Variants in GNAQ observed in about 807,000 individuals in gnomAD.
GNAQ encodes G protein subunit alpha q.
Under a neutral mutation model 43.9 loss-of-function variants are expected in GNAQ, and 8 were observed. The ratio of observed to expected loss-of-function variants is 0.18; its 90% CI spans 0.11 to 0.33. GNAQ has a LOEUF of 0.33. Among genes scored for constraint, GNAQ ranks in the 10% least tolerant of loss-of-function variants. The pLI is 1.00. For synonymous variants in GNAQ, 155 were observed against 170.7 expected, an observed-to-expected ratio of 0.91 and a Z score of 0.71; for missense variants, 158 against 450.8, an observed-to-expected ratio of 0.35 and a Z score of 5.88.
At chr9:77,730,772 G>A (rs1402537807) in intron 5 of GNAQ, among the ~76,000 whole-genome samples, 2 of 152,194 alleles carry the variant, frequency 1.3e-5, no homozygotes, top group Non-Finnish European at 2.9e-5. Flanking sequence ...AGTTCTCATA[G>A]CCAGTGATAA....
intron 5 of GNAQ, among the ~76,000 whole-genome samples, chr9:77,765,101 C>T (rs1333357007): frequency 6.6e-6 from 1 of 151,832 alleles, no homozygotes; most frequent in Non-Finnish European, 1.5e-5. Flanking sequence ...ATTTGGCTAA[C>T]TTGAGCAGTT....
chr9:77,964,011 T>A (rs1280365675), intron 1 of GNAQ, among the ~76,000 whole-genome samples: 1 of 152,222 alleles, frequency 6.6e-6, no homozygotes, highest in Admixed American at 6.5e-5. Flanking sequence ...ACTACATGGC[T>A]AGTATCATTG....
intron 2 of GNAQ, among the ~76,000 whole-genome samples, chr9:77,850,519 T>C (rs987415829): frequency 6.6e-6 from 1 of 152,208 alleles, no homozygotes; most frequent in African/African-American, 2.4e-5. Flanking sequence ...GATGGAATGA[T>C]TTCTCGGGAA....
intron 1 of GNAQ, among the ~76,000 whole-genome samples, chr9:78,010,247 A>G (rs555862341): frequency 1.2e-4 from 19 of 152,246 alleles, no homozygotes; most frequent in Non-Finnish European, 2.1e-4. Context: ...GAAGAAAGCC[A>G]TCCCCAAGGG....
At chr9:77,743,182 C>A (rs779933606) in intron 5 of GNAQ, among the ~76,000 whole-genome samples, 19 of 152,106 alleles carry the variant, frequency 1.2e-4, no homozygotes, top group Non-Finnish European at 1.5e-4. Context: ...AGCTTGAACC[C>A]GGGAGGCGGA....
At chr9:77,919,459 C>T (rs1828963565) in intron 2 of GNAQ, among the ~76,000 whole-genome samples, 1 of 151,964 alleles carries the variant, frequency 6.6e-6, no homozygotes, top group African/African-American at 2.4e-5. Context: ...TTACTTAGCA[C>T]TATGAGGGGC....
In GNAQ at chr9:77,744,181, C is replaced by CAGTT. The variant is rs149526501; in HGVS notation, c.736-15518_736-15515dup. On this transcript the variant is annotated intron_variant, in intron 5 of 6. Coordinates refer to ENST00000286548, the MANE Select transcript of GNAQ (RefSeq NM_002072.5). Reference sequence around the variant, plus strand: ...GAAGTTTGGTTTTGTCTTGTGTTTGCAGTTAGTGGCCTTGCTGAACAAGAA... The same window carrying CAGTT: ...GAAGTTTGGTTTTGTCTTGTGTTTGCAGTTAGTTAGTGGCCTTGCTGAACAAGAA... 5.1e-3 allele frequency among the ~76,000 whole-genome samples: 779 copies of CAGTT among 152,298 alleles called. 8 individuals carry two copies. The highest frequency in any genetic ancestry group is 0.018 in the African/African-American group (744 of 41,558).
At chr9:77,803,455 A>C (rs1179128170) in intron 3 of GNAQ, among the ~76,000 whole-genome samples, 1 of 152,208 alleles carries the variant, frequency 6.6e-6, no homozygotes, top group Admixed American at 6.5e-5. Context: ...TTTCTGACAC[A>C]ATCTTCTTGA....
intron 3 of GNAQ, among the ~76,000 whole-genome samples, chr9:77,808,824 C>T (rs185759406): frequency 2.0e-4 from 30 of 151,908 alleles, no homozygotes; most frequent in East Asian, 1.7e-3. Flanking sequence ...CACCATACAA[C>T]GGTCTTATCT....
intron 1 of GNAQ, among the ~76,000 whole-genome samples, chr9:77,973,118 G>GT (rs549823550): frequency 9.2e-5 from 14 of 151,926 alleles, no homozygotes; most frequent in Non-Finnish European, 1.5e-4. Flanking sequence ...AACCAATGGG[G>GT]TTTTTTTAGA....
chr9:77,833,971 G>GT (rs1564124996), intron 2 of GNAQ, among the ~76,000 whole-genome samples: 118 of 151,860 alleles, frequency 7.8e-4, no homozygotes, highest in African/African-American at 1.7e-3. Flanking sequence ...GAAAATGGTG[G>GT]GTTTTTTTTA....
At chr9:77,817,767 C>G (rs946432753) in intron 2 of GNAQ, among the ~76,000 whole-genome samples, 13 of 152,096 alleles carry the variant, frequency 8.5e-5, no homozygotes, top group Non-Finnish European at 1.3e-4. Context: ...GAACAGAATG[C>G]AGTTACATAC....
chr9:78,024,721 C>T (rs1247894847), intron 1 of GNAQ, among the ~76,000 whole-genome samples: 1 of 152,078 alleles, frequency 6.6e-6, no homozygotes, highest in Non-Finnish European at 1.5e-5. Context: ...TTCCTGTCGG[C>T]AAATAAGACA....
intron 5 of GNAQ, among the ~76,000 whole-genome samples, chr9:77,758,031 T>G (rs1401232652): frequency 6.6e-6 from 1 of 152,226 alleles, no homozygotes; most frequent in African/African-American, 2.4e-5. Flanking sequence ...GCTTCTTGAT[T>G]AAACACTAAA....
At position 77,797,495 on chromosome 9, in the gene GNAQ, T is replaced by C. The variant is rs375792308; in HGVS notation, c.605+25A>G. The stretch of plus-strand genomic sequence containing the variant: ...TACTCAAGGCATAAAAGCTGGGAAA[T>C]AGGTTTCATGGACTCAGTTACTACC... On this transcript the variant is annotated intron_variant, in intron 4 of 6. Transcript: ENST00000286548. 1.8e-5 allele frequency: 28 copies of C among 1,593,266 alleles called. No homozygotes were observed. In the East Asian group the frequency reaches 2.0e-4, roughly 11 times the overall value.
At chr9:77,801,290 A>G (rs1265520266) in intron 3 of GNAQ, among the ~76,000 whole-genome samples, 1 of 152,166 alleles carries the variant, frequency 6.6e-6, no homozygotes, top group Non-Finnish European at 1.5e-5. Context: ...CAGTGGTATC[A>G]CTCCTAAGTT....
chr9:77,990,296 AT>A (rs1410194010), intron 1 of GNAQ, among the ~76,000 whole-genome samples: 2 of 152,214 alleles, frequency 1.3e-5, no homozygotes, highest in African/African-American at 2.4e-5. Context: ...TGGCACAATA[AT>A]AGCAACCTTG....
At chr9:77,756,361 C>G (rs1825903735) in intron 5 of GNAQ, among the ~76,000 whole-genome samples, 1 of 152,262 alleles carries the variant, frequency 6.6e-6, no homozygotes, top group South Asian at 2.1e-4. Context: ...AGACAGCAAC[C>G]TGACTGAAAG....
chr9:78,029,484 T>C (rs545839555), intron 1 of GNAQ, among the ~76,000 whole-genome samples: 1 of 152,142 alleles, frequency 6.6e-6, no homozygotes, highest in Non-Finnish European at 1.5e-5. Flanking sequence ...AAAAAAAATC[T>C]TTACTTTCCA....
Sources: allele counts gnomAD v4.1 joint callset (sites outside exome capture counted in the v4.1 genomes callset), GRCh38; gene constraint gnomAD v4.1.1; transcripts MANE v1.5; gene names NCBI Gene and HGNC (gene_info 2026-07-23, HGNC 2026-07-21).